Variants in ACOT11 observed in about 807,000 individuals in gnomAD.
The protein encoded by ACOT11 is acyl-CoA thioesterase 11, also known as acyl-coenzyme A thioesterase 11.
Under a neutral mutation model 77.5 loss-of-function variants are expected in ACOT11, and 69 were observed. The ratio of observed to expected loss-of-function variants is 0.89; its 90% CI spans 0.73 to 1.09. The LOEUF (loss-of-function observed/expected upper bound fraction) is 1.09. ACOT11 is among the 50% of genes least tolerant of loss of function. The pLI is 0.00. For synonymous variants in ACOT11, 279 were observed against 313.0 expected, an observed-to-expected ratio of 0.89 and a Z score of 1.15; for missense variants, 766 against 813.7, an observed-to-expected ratio of 0.94 and a Z score of 0.71.
chr1:54,567,057 A>G (rs1353588576), intron 1 of ACOT11, among the ~76,000 whole-genome samples: 1 of 152,112 alleles, frequency 6.6e-6, no homozygotes, highest in African/African-American at 2.4e-5. Flanking sequence ...TGGATCTTAA[A>G]TACCCATATA....
intron 8 of ACOT11, 139 bp downstream of exon 8, chr1:54,599,554 TC>T: frequency 9.8e-7 from 1 of 1,016,338 alleles, no homozygotes; most frequent in Non-Finnish European, 1.3e-6. Context: ...GCTGATGGGT[TC>T]CTCTGAAATT....
exon 16 of ACOT11, chr1:54,630,743 G>A (rs745495710): frequency 4.0e-6 from 3 of 741,376 alleles, no homozygotes; most frequent in Non-Finnish European, 7.5e-6. Context: ...GTGCTGCTGG[G>A]TTAGGGTCTC....
chr1:54,551,734 TTTG>T (rs916651819), intron 1 of ACOT11, among the ~76,000 whole-genome samples: 3 of 145,208 alleles, frequency 2.1e-5, no homozygotes, highest in African/African-American at 5.3e-5. Flanking sequence ...TTTGTTTTGT[TTTG>T]TTTTTGTTTT....
chr1:54,605,943 A>C (rs1644019352), intron 13 of ACOT11, among the ~76,000 whole-genome samples: 2 of 152,074 alleles, frequency 1.3e-5, no homozygotes, highest in African/African-American at 4.8e-5. Context: ...TGTTATGAGG[A>C]GCCTACATTC....
At chr1:54,551,130 CAAAAAAAAA>C (rs11367325) in intron 1 of ACOT11, among the ~76,000 whole-genome samples, 1 of 90,954 alleles carries the variant, frequency 1.1e-5, no homozygotes, top group African/African-American at 4.5e-5. Context: ...ACAGTGGTCT[CAAAAAAAAA>C]AAAAAAAAAA....
rs757972530 is a variant in ACOT11 at position 54,603,897 on chromosome 1, C to G, written c.1112C>G (p.Thr371Arg). 1 of 1,614,134 alleles carries G rather than the reference C, an allele frequency of 6.2e-7. No individual in the cohort carries two copies. Among genetic ancestry groups the G allele is most frequent in the Non-Finnish European group, 8.5e-7 (1 of 1,180,006 alleles). The change falls in exon 11 of 16, where the codon ACA becomes AGA. Residue 371 changes from threonine (T) to arginine (R), a missense_variant. Coordinates refer to ENST00000343744, the MANE Select transcript of ACOT11 (RefSeq NM_147161.4). ...DRKYIVSCKQ[T>R]EVPLSVPWDP... ...AAGTACATCGTGTCCTGTAAGCAGA[C>G]AGAGGTGCCCCTCTCCGTCCCCTGG...
In ACOT11 at chr1:54,594,581, G is replaced by T. The variant is rs1397882472; in HGVS notation, c.497G>T (p.Arg166Leu). ...GTGAAGCTGAAGCAGATCACGCCGC[G>T]GACAGAAGAGGAGAAGATGGAGCAC... ...TKVKLKQITP[R>L]TEEEKMEHSV... The change falls in exon 6 of 16, where the codon CGG becomes CTG. Residue 166 changes from arginine (R) to leucine (L), a missense_variant. Transcript: ENST00000343744. The T allele has an allele frequency of 6.2e-7, 1 of 1,613,986 alleles. No homozygotes were observed. The highest frequency in any genetic ancestry group is 1.7e-5 in the Admixed American group (1 of 60,012).
intron 1 of ACOT11, among the ~76,000 whole-genome samples, chr1:54,580,230 T>G (rs1311617391): frequency 6.6e-6 from 1 of 152,194 alleles, no homozygotes; most frequent in Non-Finnish European, 1.5e-5. Context: ...GCACAGCCTG[T>G]GTCAGGGTGG....
chr1:54,635,241 C>A, exon 17 of ACOT11: 1 of 221,722 alleles, frequency 4.5e-6, no homozygotes, highest in Non-Finnish European at 8.9e-6. Context: ...TAATTGGTCC[C>A]CCAAGGGGAT....
intron 1 of ACOT11, among the ~76,000 whole-genome samples, chr1:54,575,359 T>A (rs191349269): frequency 4.9e-4 from 74 of 152,286 alleles, no homozygotes; most frequent in African/African-American, 1.7e-3. Context: ...ATTCTCAAGA[T>A]GACCCACAGA....
intron 1 of ACOT11, among the ~76,000 whole-genome samples, chr1:54,581,286 A>G (rs1051391009): frequency 1.3e-5 from 2 of 152,194 alleles, no homozygotes; most frequent in Non-Finnish European, 1.5e-5. Context: ...GGGCAGAGGG[A>G]GGAAACCAAG....
At chr1:54,621,194 C>T (rs912126453) in intron 15 of ACOT11, among the ~76,000 whole-genome samples, 2 of 150,456 alleles carry the variant, frequency 1.3e-5, no homozygotes, top group African/African-American at 2.4e-5. Flanking sequence ...CGGCGGCTGA[C>T]GCCTGTAATC....
At chr1:54,615,171 C>G (rs7548565), downstream of ACOT11, among the ~76,000 whole-genome samples, 40,761 of 151,914 alleles carry the variant, frequency 0.27, 5,712 homozygotes, top group Middle Eastern at 0.34. Context: ...CTGAAAAGGG[C>G]CTGTGGTTCC....
chr1:54,603,657 G>A (rs1045218106), intron 10 of ACOT11, among the ~76,000 whole-genome samples: 1 of 152,084 alleles, frequency 6.6e-6, no homozygotes, highest in African/African-American at 2.4e-5. Context: ...TTGCTGGCTC[G>A]CTCCCACCTC....
At chr1:54,619,897 T>C (rs770436039) in intron 15 of ACOT11, 1 of 1,614,190 alleles carries the variant, frequency 6.2e-7, no homozygotes, top group South Asian at 1.1e-5. Context: ...TTCTTGCTGT[T>C]GGCTGCGTGG....
chr1:54,618,705 T>A (rs1332561885), intron 15 of ACOT11, among the ~76,000 whole-genome samples: 1 of 151,682 alleles, frequency 6.6e-6, no homozygotes, highest in African/African-American at 2.4e-5. Context: ...GGACATGGAG[T>A]CAATAGCCCT....
intron 15 of ACOT11, chr1:54,616,151 G>C (rs1324115820): frequency 6.2e-7 from 1 of 1,614,194 alleles, no homozygotes; most frequent in African/African-American, 1.3e-5. Flanking sequence ...ATTGACGTCA[G>C]CCTCCAGGAC....
Position 54,592,711 on chromosome 1 carries a change from C to G in ACOT11, c.372+105C>G, listed in dbSNP as rs564450093. ...CCAGGGCCACTCACACTTGCAGGGC[C>G]CTGATTAGAGCAGCAGAGTTCTGTA... is the stretch of plus-strand genomic sequence containing the variant. On this transcript the variant is annotated intron_variant, in intron 4 of 15. Coordinates refer to ENST00000343744, the MANE Select transcript of ACOT11 (RefSeq NM_147161.4). The G allele has an allele frequency of 1.0e-4, 122 of 1,189,480 alleles. No individual in the cohort carries two copies. In the East Asian group the frequency reaches 2.9e-3, roughly 29 times the overall value. 73.7% of individuals were successfully genotyped at this position (1,189,480 alleles called of 1,614,324 possible). A position where few individuals can be genotyped will look rare whatever the true frequency, so the allele number is the denominator to read the frequency against.
In ACOT11 at chr1:54,628,615, A is replaced by G. The variant is rs558546579; in HGVS notation, c.1630-2119A>G. 4.9e-5 allele frequency among the ~76,000 whole-genome samples: 6 copies of G among 121,268 alleles called. 1 individual carries two copies. Among genetic ancestry groups the G allele is most frequent in the Non-Finnish European group, 9.2e-5 (5 of 54,076 alleles). The allele number at this position is 121,268 out of a possible 152,430, so 79.6% of individuals were successfully genotyped here. A position where few individuals can be genotyped will look rare whatever the true frequency, so the allele number is the denominator to read the frequency against. The stretch of plus-strand genomic sequence containing the variant: ...ATCGCCCCCCCCCCCCAAAAAAGGA[A>G]AAAAGAAACCCATTTGCCTATTTTG... On this transcript the variant is annotated intron_variant, in intron 15 of 16. Coordinates refer to the ACOT11 transcript ENST00000371316.
Sources: gnomAD v4.1 joint callset for allele counts (sites outside exome capture counted in the v4.1 genomes callset) on GRCh38, gnomAD v4.1.1 for gene constraint, MANE v1.5 for transcripts, NCBI Gene and HGNC (gene_info 2026-07-23, HGNC 2026-07-21) for gene names.